KCNMA1: variants seen among roughly 807,000 people sequenced by gnomAD.
KCNMA1 encodes the protein Calcium-activated potassium channel subunit alpha-1.
In KCNMA1, 29 loss-of-function variants were observed where a neutral mutation model predicts 140.0. The ratio of observed to expected loss-of-function variants is 0.21; its 90% confidence interval spans 0.15 to 0.28. The LOEUF (loss-of-function observed/expected upper bound fraction) is 0.28. Among genes scored for constraint, KCNMA1 ranks in the 10% least tolerant of loss-of-function variants. The probability of loss-of-function intolerance (pLI) is 1.00; values close to 1 mark genes in which losing one functional copy is unlikely to be tolerated. For synonymous variants in KCNMA1, 612 were observed against 611.9 expected, an observed-to-expected ratio of 1.00 and a Z score of 0.00; for missense variants, 880 against 1,602.2, an observed-to-expected ratio of 0.55 and a Z score of 7.70.
intron 19 of KCNMA1, among the ~76,000 whole-genome samples, chr10:76,992,040 T>G (rs902865414): frequency 3.9e-5 from 6 of 152,232 alleles, no homozygotes; most frequent in Non-Finnish European, 8.8e-5. Flanking sequence ...GATTCCATTT[T>G]CTATTTGCAT....
Position 77,174,287 on chromosome 10 carries a change from T to C in KCNMA1, c.808+9134A>G, listed in dbSNP as rs1597898430. Among the ~76,000 whole-genome samples, 8 of 152,350 alleles carry C rather than the reference T, an allele frequency of 5.3e-5. 1 individual carries two copies. ...CTTCAGGAAAGTTATTTATTTCTTT[T>C]AGATATAGAATTTTTACCATTGGTC... On this transcript the variant is annotated intron_variant, in intron 5 of 27. Transcript: ENST00000286628.
At chr10:77,369,965 G>GC (rs2094579744) in intron 2 of KCNMA1, among the ~76,000 whole-genome samples, 1 of 152,144 alleles carries the variant, frequency 6.6e-6, no homozygotes, top group Non-Finnish European at 1.5e-5. Context: ...AAATGCAATC[G>GC]AAGGTTTTCT....
intron 1 of KCNMA1, among the ~76,000 whole-genome samples, chr10:77,602,801 C>T (rs1296138175): frequency 2.6e-5 from 4 of 152,180 alleles, no homozygotes; most frequent in Non-Finnish European, 5.9e-5. Flanking sequence ...CCGTGGATTT[C>T]GGGGTTCTGA....
chr10:77,344,652 T>C (rs754326020), intron 2 of KCNMA1, among the ~76,000 whole-genome samples: 2 of 152,150 alleles, frequency 1.3e-5, no homozygotes, highest in Admixed American at 6.5e-5. Context: ...GATCTTTGTG[T>C]AGACTGACTG....
intron 3 of KCNMA1, among the ~76,000 whole-genome samples, chr10:77,210,415 C>G (rs2045672743): frequency 6.6e-6 from 1 of 152,086 alleles, no homozygotes; most frequent in African/African-American, 2.4e-5. Context: ...GAACATACCT[C>G]AAAATAATAA....
Position 77,108,594 on chromosome 10 carries a change from G to A in KCNMA1, c.1132-22C>T. ...TGGCCTGAGAAGATAGGAGACAGAA[G>A]AGAGACTAAAAAGACAGGCCAAAGA... On this transcript the variant is annotated intron_variant, in intron 8 of 27. Transcript: ENST00000286628. This position sits in a 1 kb window ranked among gnomAD's most constrained non-coding sequence, Gnocchi z 4.6. 1 of 1,587,074 alleles carries A rather than the reference G, an allele frequency of 6.3e-7. No homozygotes were observed. Among genetic ancestry groups the A allele is most frequent in the Non-Finnish European group, 8.6e-7 (1 of 1,156,736 alleles).
chr10:77,024,454 A>G (rs185867736), intron 16 of KCNMA1, among the ~76,000 whole-genome samples: 2 of 152,286 alleles, frequency 1.3e-5, no homozygotes, highest in Admixed American at 6.5e-5. Context: ...AATCACAGAG[A>G]AAAGTAACTT....
At chr10:76,909,189 T>A (rs930116389) in intron 25 of KCNMA1, among the ~76,000 whole-genome samples, 2 of 152,170 alleles carry the variant, frequency 1.3e-5, no homozygotes, top group African/African-American at 4.8e-5. Context: ...CACTGTCCTC[T>A]CCACCTTCTG....
chr10:76,949,379 G>C lies in KCNMA1; in HGVS notation c.2485-13C>G, dbSNP rs1285420940. ...CTTCACTTCGAGTCTACAACAGGGA[G>C]AAGTGGGTAAGAGTCAGAGAGAAGA... is the stretch of plus-strand genomic sequence containing the variant. On this transcript the variant is annotated splice_polypyrimidine_tract_variant and intron_variant, in intron 21 of 27. Coordinates refer to ENST00000286628, the MANE Select transcript of KCNMA1 (RefSeq NM_001161352.2). 6.2e-7 allele frequency: 1 copy of C among 1,607,714 alleles called. No individual in the cohort carries two copies. The highest frequency in any genetic ancestry group is 1.7e-5 in the Admixed American group (1 of 59,682).
intron 25 of KCNMA1, 99 bp downstream of exon 25, chr10:76,909,867 C>T (rs2049394572): frequency 7.6e-7 from 1 of 1,311,770 alleles, no homozygotes; most frequent in Non-Finnish European, 1.1e-6. Flanking sequence ...TCTTGCTCTC[C>T]ACTGTGGCCC....
intron 2 of KCNMA1, among the ~76,000 whole-genome samples, chr10:77,330,126 T>C (rs892474167): frequency 1.3e-5 from 2 of 152,222 alleles, no homozygotes; most frequent in Admixed American, 1.3e-4. Flanking sequence ...ACTGTGGACA[T>C]ATCACGTAAG....
intron 1 of KCNMA1, among the ~76,000 whole-genome samples, chr10:77,500,600 T>C (rs1323078841): frequency 6.6e-6 from 1 of 152,160 alleles, no homozygotes; most frequent in Non-Finnish European, 1.5e-5. Context: ...TTCACATTGA[T>C]GGAGATAATC....
chr10:77,460,762 T>A (rs769121719), intron 1 of KCNMA1, among the ~76,000 whole-genome samples: 1 of 152,002 alleles, frequency 6.6e-6, no homozygotes, highest in Non-Finnish European at 1.5e-5. Context: ...AATGGAATAA[T>A]AATACTGGAG....
At chr10:77,425,226 C>T (rs549566185) in intron 1 of KCNMA1, among the ~76,000 whole-genome samples, 2 of 152,130 alleles carry the variant, frequency 1.3e-5, no homozygotes, top group African/African-American at 2.4e-5. Flanking sequence ...CACATTGCCC[C>T]GATTTATTTA....
chr10:77,244,819 C>T (rs576423641), intron 3 of KCNMA1, among the ~76,000 whole-genome samples: 1 of 152,292 alleles, frequency 6.6e-6, no homozygotes, highest in South Asian at 2.1e-4. Flanking sequence ...CAAGACTTCC[C>T]ATTGGAGTTA....
intron 1 of KCNMA1, among the ~76,000 whole-genome samples, chr10:77,478,359 G>C (rs1198877417): frequency 6.6e-6 from 1 of 152,198 alleles, no homozygotes; most frequent in Non-Finnish European, 1.5e-5. Flanking sequence ...TCATGACTGA[G>C]AGGGGAAGAG....
intron 1 of KCNMA1, among the ~76,000 whole-genome samples, chr10:77,412,316 C>T (rs895365417): frequency 4.6e-5 from 7 of 152,194 alleles, no homozygotes; most frequent in Non-Finnish European, 1.0e-4. Context: ...TGATGGACTG[C>T]GCTCTGAGTT....
At chr10:77,029,342 C>T (rs898812322) in intron 15 of KCNMA1, among the ~76,000 whole-genome samples, 2 of 152,150 alleles carry the variant, frequency 1.3e-5, no homozygotes, top group African/African-American at 4.8e-5. Flanking sequence ...GTGGGGAAGG[C>T]TTCCTTGTGG....
At chr10:76,912,230 T>C (rs2050628067) in intron 24 of KCNMA1, 1 of 152,162 alleles carries the variant, frequency 6.6e-6, no homozygotes, top group South Asian at 2.1e-4. Context: ...TCAAATACAA[T>C]TGGAATAGTC....
Sources: gnomAD v4.1 joint callset for allele counts (sites outside exome capture counted in the v4.1 genomes callset) on GRCh38, gnomAD v4.1.1 for gene constraint, Gnocchi (gnomAD v3.1) non-coding constraint, MANE v1.5 for transcripts, NCBI Gene and HGNC (gene_info 2026-07-23, HGNC 2026-07-21) for gene names.